The following TLK2 variants were observed in gnomAD, a reference collection of about 807,000 sequenced individuals.
TLK2 encodes serine/threonine-protein kinase tousled-like 2.
Under a neutral mutation model 117.3 loss-of-function variants are expected in TLK2, and 6 were observed. The ratio of observed to expected loss-of-function variants is 0.05; its 90% CI spans 0.03 to 0.10. The LOEUF (loss-of-function observed/expected upper bound fraction) is 0.10, where lower values mean the gene tolerates loss of function less well. TLK2 is among the 10% of genes least tolerant of loss of function. TLK2 has a pLI of 1.00. For missense variants in TLK2, 299 were observed against 901.2 expected, an observed-to-expected ratio of 0.33 and a Z score of 8.56; for synonymous variants, 257 against 316.7, an observed-to-expected ratio of 0.81 and a Z score of 2.00.
At chr17:62,507,872 A>G (rs963698816) in intron 2 of TLK2, among the ~76,000 whole-genome samples, 16 of 152,034 alleles carry the variant, frequency 1.1e-4, no homozygotes, top group African/African-American at 3.6e-4. Flanking sequence ...TCCCCCTAGA[A>G]AAAAAAGTAC....
rs57725124 is a variant in TLK2 at position 62,568,431 on chromosome 17, C to CAA, written c.968+3313_968+3314dup. Among the ~76,000 whole-genome samples the CAA allele has an allele frequency of 1.5e-3, 88 of 57,300 alleles. 1 individual carries two copies. Among genetic ancestry groups the CAA allele is most frequent in the African/African-American group, 4.8e-3 (73 of 15,270 alleles). The allele number at this position is 57,300 out of a possible 152,430, so 37.6% of individuals were successfully genotyped here. A position where few individuals can be genotyped will look rare whatever the true frequency, so the allele number is the denominator to read the frequency against. On this transcript the variant is annotated intron_variant, in intron 11 of 21. Coordinates refer to ENST00000346027, the MANE Select transcript of TLK2 (RefSeq NM_006852.6). ...TGGGTGACAGAGCGAGACCCTGTCT[C>CAA]AAAAAAAAAAAAAAAAAAAAGTAAT...
chr17:62,600,608 T>C, intron 17 of TLK2, 43 bp from the exon 18 acceptor site: 1 of 1,536,026 alleles, frequency 6.5e-7, no homozygotes, highest in South Asian at 1.3e-5. Flanking sequence ...GTTAATCTGC[T>C]TGCTCTTATT....
intron 2 of TLK2, among the ~76,000 whole-genome samples, chr17:62,519,295 T>C (rs1358169410): frequency 6.6e-6 from 1 of 152,218 alleles, no homozygotes; most frequent in African/African-American, 2.4e-5. Context: ...CTTTCCCTCG[T>C]TGAATTGTGT....
intron 2 of TLK2, among the ~76,000 whole-genome samples, chr17:62,500,260 T>G (rs1334183148): frequency 6.6e-6 from 1 of 151,682 alleles, no homozygotes; most frequent in Non-Finnish European, 1.5e-5. Context: ...TTTAAAAGAA[T>G]GGAAAAAGAT....
chr17:62,506,203 G>T (rs139244114), intron 2 of TLK2, among the ~76,000 whole-genome samples: 356 of 152,316 alleles, frequency 2.3e-3, no homozygotes, highest in African/African-American at 7.8e-3. Context: ...AGATGAGATT[G>T]CCATGGCTTG....
rs777025094 is a variant in TLK2, at chr17:62,549,419, A to AAAAAAAAAAAAAAAAAG, written c.532-2867_532-2866insGAAAAAAAAAAAAAAAA. 2.6e-4 allele frequency among the ~76,000 whole-genome samples: 2 copies of AAAAAAAAAAAAAAAAAG among 7,744 alleles called. 1 individual carries two copies. Among genetic ancestry groups the AAAAAAAAAAAAAAAAAG allele is most frequent in the Non-Finnish European group, 9.6e-4 (2 of 2,092 alleles). 5.1% of individuals were successfully genotyped at this position (7,744 alleles called of 152,430 possible). On this transcript the variant is annotated intron_variant, in intron 7 of 21. Coordinates refer to ENST00000346027, the MANE Select transcript of TLK2 (RefSeq NM_006852.6). ...ATCTCAAAAAAAAAAAAAAAAAAAA[A>AAAAAAAAAAAAAAAAAG]AAAAAAAAAAAAAAAAAATAGAAAC...
At chr17:62,599,770 T>C (rs1010052552) in intron 17 of TLK2, among the ~76,000 whole-genome samples, 4 of 152,192 alleles carry the variant, frequency 2.6e-5, no homozygotes, top group African/African-American at 7.2e-5. Flanking sequence ...GGTTTTTTTT[T>C]CCAGGCTAAA....
In TLK2 at chr17:62,559,675, G is replaced by C. The variant is rs965984480; in HGVS notation, c.721-341G>C. Among the ~76,000 whole-genome samples, 20 of 152,110 alleles carry C rather than the reference G, an allele frequency of 1.3e-4. 1 individual carries two copies. The highest frequency in any genetic ancestry group is 1.2e-3 in the Admixed American group (19 of 15,262). ...TTGCACGCATGAGCCACGATTCCCA[G>C]CTTTAACATTTTTTTAATTATTATT... On this transcript the variant is annotated intron_variant, in intron 9 of 21. Transcript: ENST00000346027.
chr17:62,572,570 A>G (rs575856131), intron 11 of TLK2, among the ~76,000 whole-genome samples: 74 of 152,330 alleles, frequency 4.9e-4, no homozygotes, highest in African/African-American at 1.7e-3. Context: ...TTCATTTTGT[A>G]TACTATTCCC....
intron 20 of TLK2, 48 bp from the exon 21 acceptor site, chr17:62,607,993 A>G (rs775134532): frequency 2.7e-6 from 4 of 1,506,922 alleles, no homozygotes; most frequent in South Asian, 1.2e-5. Context: ...TGTTTTCTCT[A>G]TAATTTTCAT....
Position 62,586,115 on chromosome 17 carries a change from A to T in TLK2, c.1369-20A>T. ...ATTTTTCTTAACATTTACCCAGTAT[A>T]TAATTTATTCTCTTTATAGGCATTT... On this transcript the variant is annotated intron_variant, in intron 15 of 21. Coordinates refer to ENST00000346027, the MANE Select transcript of TLK2 (RefSeq NM_006852.6). 6.3e-7 allele frequency: 1 copy of T among 1,581,094 alleles called. No homozygotes were observed. Among genetic ancestry groups the T allele is most frequent in the African/African-American group, 1.4e-5 (1 of 73,646 alleles).
intron 9 of TLK2, among the ~76,000 whole-genome samples, chr17:62,559,290 C>A (rs1358511079): frequency 2.8e-5 from 3 of 108,460 alleles, no homozygotes; most frequent in Non-Finnish European, 2.3e-5. Context: ...AGAAAAAGAA[C>A]AAAGCAAACA....
chr17:62,556,607 T>C (rs1445848831), intron 9 of TLK2, among the ~76,000 whole-genome samples: 6 of 152,236 alleles, frequency 3.9e-5, no homozygotes, highest in Admixed American at 1.3e-4. Flanking sequence ...CTTCAGTTTT[T>C]CAAGCATTTC....
intron 2 of TLK2, among the ~76,000 whole-genome samples, chr17:62,510,401 C>T (rs2075050491): frequency 6.6e-6 from 1 of 152,206 alleles, no homozygotes; most frequent in African/African-American, 2.4e-5. Context: ...TTCCTAATGA[C>T]TGTGTGACCT....
At chr17:62,602,699 G>A (rs1555661883) in intron 19 of TLK2, among the ~76,000 whole-genome samples, 1 of 152,192 alleles carries the variant, frequency 6.6e-6, no homozygotes, top group Admixed American at 6.5e-5. Context: ...ATCCATGTCT[G>A]TTAGCCATGA....
At chr17:62,600,564 C>A (rs933512766) in intron 17 of TLK2, 87 bp from the exon 18 acceptor site, 4 of 1,130,172 alleles carry the variant, frequency 3.5e-6, no homozygotes, top group Non-Finnish European at 4.9e-6. Flanking sequence ...AAGCTGATGA[C>A]CTGAAGTTTT....
intron 11 of TLK2, among the ~76,000 whole-genome samples, chr17:62,569,738 A>G (rs2080122049): frequency 6.6e-6 from 1 of 152,052 alleles, no homozygotes; most frequent in Admixed American, 6.6e-5. Context: ...CATTTTTTAA[A>G]ATACCTTTAC....
chr17:62,503,851 C>T (rs2074433981), intron 2 of TLK2, among the ~76,000 whole-genome samples: 1 of 151,988 alleles, frequency 6.6e-6, no homozygotes, highest in Non-Finnish European at 1.5e-5. Context: ...GCCTCAGCCT[C>T]CCGAGTAGCT....
chr17:62,483,269 G>T (rs2071910003), intron 2 of TLK2, among the ~76,000 whole-genome samples: 1 of 151,706 alleles, frequency 6.6e-6, no homozygotes, highest in African/African-American at 2.4e-5. Flanking sequence ...TTGGATTAGG[G>T]TTGTTGTTCT....
Sources: gnomAD v4.1 joint callset for allele counts (sites outside exome capture counted in the v4.1 genomes callset) on GRCh38, gnomAD v4.1.1 for gene constraint, MANE v1.5 for transcripts, NCBI Gene and HGNC (gene_info 2026-07-23, HGNC 2026-07-21) for gene names.